HDLBP: variants seen among roughly 807,000 people sequenced by gnomAD.
HDLBP encodes vigilin.
A neutral mutation model predicts 137.3 loss-of-function variants in HDLBP; 30 were observed. The ratio of observed to expected loss-of-function variants is 0.22; its 90% confidence interval spans 0.16 to 0.30. HDLBP has a LOEUF of 0.30. HDLBP is among the 10% of genes least tolerant of loss of function. HDLBP has a pLI of 1.00. For missense variants in HDLBP, 1,119 were observed against 1,667.3 expected (o/e 0.67, Z 5.73); for synonymous variants, 606 against 596.0 (o/e 1.02, Z -0.24).
chr2:241,267,900 CGGGA>C, intron 2 of HDLBP: 1 of 985,410 alleles, frequency 1.0e-6, no homozygotes, highest in Non-Finnish European at 1.2e-6. Context: ...CAGTGCTCAG[CGGGA>C]TATGGGCTCC....
chr2:241,237,067 G>A (rs917991779), intron 20 of HDLBP, among the ~76,000 whole-genome samples: 1 of 150,124 alleles, frequency 6.7e-6, no homozygotes, highest in African/African-American at 2.5e-5. Flanking sequence ...GAAGCTAACA[G>A]CAACTAACTA....
chr2:241,308,503 C>A (rs531890581), intron 1 of HDLBP, among the ~76,000 whole-genome samples: 1 of 152,348 alleles, frequency 6.6e-6, no homozygotes, highest in African/African-American at 2.4e-5. Flanking sequence ...TGAGACACCT[C>A]AGCCTGCCAA....
At chr2:241,314,113 CAG>C (rs1428979798) in intron 1 of HDLBP, among the ~76,000 whole-genome samples, 3 of 152,146 alleles carry the variant, frequency 2.0e-5, no homozygotes, top group Admixed American at 2.0e-4. Flanking sequence ...GTTTCAGACT[CAG>C]AGATTCGGTA....
intron 1 of HDLBP, among the ~76,000 whole-genome samples, chr2:241,304,155 T>C (rs1446769967): frequency 2.0e-5 from 3 of 152,178 alleles, no homozygotes; most frequent in Non-Finnish European, 4.4e-5. Context: ...TTTTTAGCAA[T>C]CAACACTATG....
At chr2:241,267,787 C>T (rs965352615) in intron 2 of HDLBP, 2 of 1,496,630 alleles carry the variant, frequency 1.3e-6, no homozygotes, top group Non-Finnish European at 1.8e-6. Context: ...TGCCCTTGAT[C>T]CACACTGACT....
In HDLBP at chr2:241,238,588, C is replaced by G. The variant is rs538464906; in HGVS notation, c.2749+61G>C. 8 of 1,324,608 alleles carry G rather than the reference C, an allele frequency of 6.0e-6. No individual in the cohort carries two copies. In the South Asian group the frequency reaches 1.4e-4, roughly 23 times the overall value. The allele number at this position is 1,324,608 out of a possible 1,614,324, so 82.1% of individuals were successfully genotyped here. A position where few individuals can be genotyped will look rare whatever the true frequency, so the allele number is the denominator to read the frequency against. On this transcript the variant is annotated intron_variant, in intron 20 of 27. Coordinates refer to ENST00000310931, the MANE Select transcript of HDLBP (RefSeq NM_005336.6). The surrounding 1 kb of genome is among the most constrained non-coding windows in gnomAD (Gnocchi z 4.9). The stretch of plus-strand genomic sequence containing the variant: ...AGCCTCACCAGTATGTGCGACAGCC[C>G]CGCCTCTCACATGGGAGGCGCCACT...
At chr2:241,254,018 C>A (rs999548371) in intron 9 of HDLBP, among the ~76,000 whole-genome samples, 6 of 152,308 alleles carry the variant, frequency 3.9e-5, no homozygotes, top group Middle Eastern at 3.4e-3. Flanking sequence ...GGCACAGTGA[C>A]TCACACCCAT....
chr2:241,288,841 T>C (rs1406251945), intron 1 of HDLBP, among the ~76,000 whole-genome samples: 23 of 152,188 alleles, frequency 1.5e-4, no homozygotes, highest in Admixed American at 2.0e-4. Flanking sequence ...GGAAGGGCCA[T>C]TCCCCTTTAG....
rs544669539 is a variant in HDLBP, at chr2:241,300,574, A to G, written c.-103+14996T>C. On this transcript the variant is annotated intron_variant, in intron 1 of 27. Transcript: ENST00000310931. ...GAAGAAGAATCCTAATGCATGCCAAATAAGTTCTAAATATGCTAAACCAGC... is the reference window on the plus strand; with the variant it reads ...GAAGAAGAATCCTAATGCATGCCAAGTAAGTTCTAAATATGCTAAACCAGC... 2.6e-5 allele frequency among the ~76,000 whole-genome samples: 4 copies of G among 152,344 alleles called. No homozygotes were observed. In the East Asian group the frequency reaches 7.7e-4, roughly 29 times the overall value.
intron 17 of HDLBP, among the ~76,000 whole-genome samples, chr2:241,241,566 C>CAAAA (rs56864201): frequency 1.3e-4 from 4 of 31,432 alleles, no homozygotes; most frequent in African/African-American, 1.7e-4. Context: ...GACTCCGTCT[C>CAAAA]AAAAAAAAAA....
chr2:241,246,484 A>G (rs189239977), intron 16 of HDLBP: 3 of 402,780 alleles, frequency 7.4e-6, no homozygotes, highest in Admixed American at 8.3e-5. Flanking sequence ...ACCTTCAGAT[A>G]AGATTTTCAG....
chr2:241,234,635 C>A (rs1432295728), intron 23 of HDLBP, among the ~76,000 whole-genome samples: 1 of 152,238 alleles, frequency 6.6e-6, no homozygotes, highest in Non-Finnish European at 1.5e-5. Context: ...GTCAGCCCTG[C>A]CAGAGGCTGG....
At chr2:241,299,505 C>CAAAAA (rs11423330) in intron 1 of HDLBP, among the ~76,000 whole-genome samples, 273 of 48,878 alleles carry the variant, frequency 5.6e-3, no homozygotes, top group South Asian at 7.5e-3. Flanking sequence ...GGCTCCGTCT[C>CAAAAA]AAAAAAAAAA....
rs778419519 is a variant in HDLBP at position 241,239,575 on chromosome 2, C to A, written c.2610+27G>T. On this transcript the variant is annotated intron_variant, in intron 19 of 27. Coordinates refer to ENST00000310931, the MANE Select transcript of HDLBP (RefSeq NM_005336.6). The surrounding 1 kb of genome is among the most constrained non-coding windows in gnomAD (Gnocchi z 4.6). ...GTGAGTGGCCACTGGGGGGTGAGAA[C>A]CCCTCCCCGAGCACCCAAGTGCCTA... is the stretch of plus-strand genomic sequence containing the variant. The A allele has an allele frequency of 4.4e-6, 7 of 1,591,016 alleles. No individual in the cohort carries two copies. In the African/African-American group the frequency reaches 6.7e-5, roughly 15 times the overall value.
chr2:241,286,567 T>C (rs145881710), intron 1 of HDLBP, among the ~76,000 whole-genome samples: 3 of 152,178 alleles, frequency 2.0e-5, no homozygotes, highest in Non-Finnish European at 4.4e-5. Flanking sequence ...GTTCGTCCTG[T>C]ATATGCTGAC....
chr2:241,254,395 T>C (rs767985718), intron 9 of HDLBP, among the ~76,000 whole-genome samples: 15 of 152,220 alleles, frequency 9.9e-5, no homozygotes, highest in African/African-American at 1.7e-4. Context: ...TTTGTTCATG[T>C]TTCCTGGGGG....
rs1324973662 is a variant in HDLBP, at chr2:241,239,471, G to A, written c.2610+131C>T. 3 of 692,390 alleles carry A rather than the reference G, an allele frequency of 4.3e-6. No individual in the cohort carries two copies. The highest frequency in any genetic ancestry group is 2.6e-5 in the East Asian group (1 of 38,446). The allele number at this position is 692,390 out of a possible 1,614,324, so 42.9% of individuals were successfully genotyped here. A position where few individuals can be genotyped will look rare whatever the true frequency, so the allele number is the denominator to read the frequency against. Reference sequence around the variant, plus strand: ...AGGAAAGAAGAGCGAGCACCAGAAAGCCCCTTCTGAAGCCTTCCAGGGCTG... The same window carrying A: ...AGGAAAGAAGAGCGAGCACCAGAAAACCCCTTCTGAAGCCTTCCAGGGCTG... On this transcript the variant is annotated intron_variant, in intron 19 of 27. Coordinates refer to ENST00000310931, the MANE Select transcript of HDLBP (RefSeq NM_005336.6). This position sits in a 1 kb window ranked among gnomAD's most constrained non-coding sequence, Gnocchi z 4.6.
At chr2:241,292,184 C>T (rs145778393) in intron 1 of HDLBP, among the ~76,000 whole-genome samples, 216 of 146,986 alleles carry the variant, frequency 1.5e-3, no homozygotes, top group Non-Finnish European at 2.5e-3. Flanking sequence ...GAAACCACTG[C>T]CCCCCACCCC....
chr2:241,303,534 G>A (rs192138561), intron 1 of HDLBP, among the ~76,000 whole-genome samples: 1 of 152,268 alleles, frequency 6.6e-6, no homozygotes, highest in African/African-American at 2.4e-5. Context: ...CCTCAATACT[G>A]AGCTTGGTCA....
Sources: allele counts gnomAD v4.1 joint callset (sites outside exome capture counted in the v4.1 genomes callset), GRCh38; gene constraint gnomAD v4.1.1; non-coding constraint Gnocchi (gnomAD v3.1); transcripts MANE v1.5; gene names NCBI Gene and HGNC (gene_info 2026-07-23, HGNC 2026-07-21).